RAB43: variants seen among roughly 807,000 people sequenced by gnomAD.
RAB43 encodes the protein ras-related protein Rab-43.
Under a neutral mutation model 18.8 loss-of-function variants are expected in RAB43, and 6 were observed. That is an observed-to-expected ratio of 0.32 (90% confidence interval 0.17 to 0.63). The LOEUF (loss-of-function observed/expected upper bound fraction) is 0.63, where lower values mean the gene tolerates loss of function less well. RAB43 is among the 30% of genes least tolerant of loss of function. The probability of loss-of-function intolerance (pLI) is 0.79; values close to 1 mark genes in which losing one functional copy is unlikely to be tolerated. For missense variants in RAB43, 195 were observed against 289.1 expected (o/e 0.67, Z 2.36); for synonymous variants, 103 against 124.1 (o/e 0.83, Z 1.13).
At chr3:129,105,511 TG>T (rs983340649) in intron 1 of RAB43, among the ~76,000 whole-genome samples, 49 of 150,990 alleles carry the variant, frequency 3.2e-4, no homozygotes, top group Admixed American at 2.2e-3. Flanking sequence ...CCAGGCGCAG[TG>T]GCTCATGCCT....
chr3:129,094,182 G>A (rs1335534377), intron 2 of RAB43, among the ~76,000 whole-genome samples: 1 of 152,212 alleles, frequency 6.6e-6, no homozygotes, highest in Non-Finnish European at 1.5e-5. Context: ...TCTGGAGGTT[G>A]AGGCCCTGCA....
At chr3:129,111,303 T>G (rs1237822044) in intron 1 of RAB43, among the ~76,000 whole-genome samples, 2 of 151,736 alleles carry the variant, frequency 1.3e-5, no homozygotes, top group Non-Finnish European at 2.9e-5. Context: ...TCGCTTAAGG[T>G]CAGGAGTTTG....
At position 129,121,804 on chromosome 3, in the gene RAB43, T is replaced by C. The variant is rs1321077424; in HGVS notation, c.-315A>G. ...TCCTCAGCTCCGTGCCACACCAGTCTGGCCTGTAGGCCCGCCCCAGCCCGC... is the reference window on the plus strand; with the variant it reads ...TCCTCAGCTCCGTGCCACACCAGTCCGGCCTGTAGGCCCGCCCCAGCCCGC... On this transcript the variant is annotated 5_prime_UTR_variant, in exon 1 of 3. Coordinates refer to ENST00000315150, the MANE Select transcript of RAB43 (RefSeq NM_198490.3). 9.8e-5 allele frequency: 17 copies of C among 173,912 alleles called. No individual in the cohort carries two copies. The South Asian group carries it at 2.6e-3, about 26-fold the overall frequency. 10.8% of individuals were successfully genotyped at this position (173,912 alleles called of 1,614,324 possible).
intron 1 of RAB43, among the ~76,000 whole-genome samples, chr3:129,099,085 T>C (rs1315348346): frequency 6.6e-6 from 1 of 151,494 alleles, no homozygotes; most frequent in Non-Finnish European, 1.5e-5. Flanking sequence ...AATATATATA[T>C]GTTAAACTTA....
upstream of RAB43, chr3:129,121,823 AGCCCGCCCCC>A (rs1204532154): frequency 7.1e-4 from 27 of 37,870 alleles, no homozygotes; most frequent in African/African-American, 1.7e-3. Flanking sequence ...GGCCCGCCCC[AGCCCGCCCCC>A]GCCCGCCCCC....
chr3:129,121,813 GGCCCGCCCCA>G (rs1381054292), upstream of RAB43: 1 of 170,376 alleles, frequency 5.9e-6, no homozygotes, highest in African/African-American at 2.5e-5. Context: ...CTGGCCTGTA[GGCCCGCCCCA>G]GCCCGCCCCC....
chr3:129,111,485 G>A (rs1220851644), intron 1 of RAB43, among the ~76,000 whole-genome samples: 7 of 141,448 alleles, frequency 4.9e-5, no homozygotes, highest in African/African-American at 1.1e-4. Flanking sequence ...ACTGCACTCC[G>A]CCTGGGTGAT....
chr3:129,096,348 C>T (rs1934053762), intron 1 of RAB43, among the ~76,000 whole-genome samples: 1 of 152,234 alleles, frequency 6.6e-6, no homozygotes, highest in Non-Finnish European at 1.5e-5. Flanking sequence ...AAATAAGACT[C>T]CTCTTTCCTG....
At chr3:129,118,768 C>G (rs1006576385) in intron 1 of RAB43, among the ~76,000 whole-genome samples, 25 of 152,210 alleles carry the variant, frequency 1.6e-4, no homozygotes, top group African/African-American at 6.0e-4. Context: ...ATCCAGCAAT[C>G]TTCCTGCCTC....
rs1484801537 is a variant in RAB43 at position 129,113,247 on chromosome 3, C to T, written c.204+8039G>A. ...GTGGCACGATCTTGGCTCACTGCAA[C>T]CTCCGCCTCCCAGGTTCAAGTGGTT... On this transcript the variant is annotated intron_variant, in intron 1 of 2. Coordinates refer to ENST00000315150, the MANE Select transcript of RAB43 (RefSeq NM_198490.3). 2.0e-5 allele frequency among the ~76,000 whole-genome samples: 3 copies of T among 151,488 alleles called. No homozygotes were observed. In the East Asian group the frequency reaches 5.8e-4, roughly 29 times the overall value.
chr3:129,095,841 G>A lies in RAB43; in HGVS notation c.205-672C>T, dbSNP rs1934013886. ...ACCAGATGTGGGCTGTGGAGAAGAG[G>A]TGCCCATGGGTGGGAGGAGCTTCCC... On this transcript the variant is annotated intron_variant, in intron 1 of 2. Coordinates refer to ENST00000315150, the MANE Select transcript of RAB43 (RefSeq NM_198490.3). The surrounding 1 kb of genome is among the most constrained non-coding windows in gnomAD (Gnocchi z 4.2). 6.6e-6 allele frequency among the ~76,000 whole-genome samples: 1 copy of A among 152,190 alleles called. No homozygotes were observed. Among genetic ancestry groups the A allele is most frequent in the South Asian group, 2.1e-4 (1 of 4,834 alleles).
intron 1 of RAB43, 36 bp downstream of exon 1, chr3:129,121,250 G>C (rs1477204249): frequency 6.5e-7 from 1 of 1,549,590 alleles, no homozygotes; most frequent in Non-Finnish European, 8.8e-7. Context: ...CACCCTCCGA[G>C]GGAGCGCCTT....
At chr3:129,112,033 G>A (rs918315244) in intron 1 of RAB43, among the ~76,000 whole-genome samples, 1 of 152,086 alleles carries the variant, frequency 6.6e-6, no homozygotes, top group African/African-American at 2.4e-5. Context: ...TGGATTTCTT[G>A]AGTCCAGGAG....
intron 1 of RAB43, among the ~76,000 whole-genome samples, chr3:129,101,771 A>C (rs892636163): frequency 6.6e-5 from 10 of 152,226 alleles, no homozygotes; most frequent in Non-Finnish European, 1.2e-4. Flanking sequence ...TTGCAGGCCA[A>C]AGTTAAGAGT....
intron 1 of RAB43, among the ~76,000 whole-genome samples, chr3:129,114,515 T>C (rs559827055): frequency 7.9e-5 from 12 of 152,148 alleles, no homozygotes; most frequent in Non-Finnish European, 1.3e-4. Flanking sequence ...AGAAAAGCGA[T>C]GGAAACTTAT....
chr3:129,097,849 C>T (rs1046295491), intron 1 of RAB43, among the ~76,000 whole-genome samples: 1 of 152,048 alleles, frequency 6.6e-6, no homozygotes. Context: ...AGACCATAAC[C>T]CCTAAAAAAG....
At chr3:129,098,232 C>A (rs1336143866) in intron 1 of RAB43, among the ~76,000 whole-genome samples, 1 of 152,120 alleles carries the variant, frequency 6.6e-6, no homozygotes, top group Non-Finnish European at 1.5e-5. Flanking sequence ...GAGGACCATG[C>A]CTAAAGAATA....
At chr3:129,091,496 C>A in intron 2 of RAB43, 150 bp from the exon 3 acceptor site, 1 of 1,097,940 alleles carries the variant, frequency 9.1e-7, no homozygotes, top group Non-Finnish European at 1.3e-6. Context: ...CTTTAAAAAA[C>A]CTTTTTTAGG....
At position 129,095,223 on chromosome 3, in the gene RAB43, C is replaced by T. The variant is rs1933962285; in HGVS notation, c.205-54G>A. 24 of 1,579,584 alleles carry T rather than the reference C, an allele frequency of 1.5e-5. No homozygotes were observed. The highest frequency in any genetic ancestry group is 2.1e-5 in the Non-Finnish European group (24 of 1,161,162). On this transcript the variant is annotated intron_variant, in intron 1 of 2. Transcript: ENST00000315150. This position sits in a 1 kb window ranked among gnomAD's most constrained non-coding sequence, Gnocchi z 4.2. ...CAGTGGCACAGGCTGAACATGGGGA[C>T]AGGCAGAGTGACCCCACAGACCCAC...
Sources: allele counts gnomAD v4.1 joint callset (sites outside exome capture counted in the v4.1 genomes callset), GRCh38; gene constraint gnomAD v4.1.1; non-coding constraint Gnocchi (gnomAD v3.1); transcripts MANE v1.5; gene names NCBI Gene and HGNC (gene_info 2026-07-23, HGNC 2026-07-21).